SMOC2: variants seen among roughly 807,000 people sequenced by gnomAD.
SMOC2 encodes the protein SPARC-related modular calcium-binding protein 2.
SMOC2 carries 39 observed loss-of-function variants against 61.4 expected under a neutral mutation model. The observed-to-expected ratio is 0.64, with a 90% confidence interval of 0.49 to 0.83. The LOEUF (loss-of-function observed/expected upper bound fraction) is 0.83. Among genes scored for constraint, SMOC2 ranks in the 40% least tolerant of loss-of-function variants. The probability of loss-of-function intolerance (pLI) is 0.00; values close to 1 mark genes in which losing one functional copy is unlikely to be tolerated. For missense variants in SMOC2, 556 were observed against 592.9 expected, an observed-to-expected ratio of 0.94 and a Z score of 0.65; for synonymous variants, 247 against 239.9, an observed-to-expected ratio of 1.03 and a Z score of -0.27.
intron 2 of SMOC2, among the ~76,000 whole-genome samples, chr6:168,514,847 A>G (rs1055449862): frequency 6.6e-6 from 1 of 152,142 alleles, no homozygotes; most frequent in East Asian, 1.9e-4. Flanking sequence ...GAGGATGAGC[A>G]TGTGAGGGAT....
chr6:168,537,338 T>C (rs1472538581), intron 4 of SMOC2, among the ~76,000 whole-genome samples: 1 of 152,140 alleles, frequency 6.6e-6, no homozygotes, highest in Non-Finnish European at 1.5e-5. Context: ...TACAGCACTC[T>C]GCAGGCTGTG....
chr6:168,599,295 CAT>C (rs757976840), intron 8 of SMOC2, among the ~76,000 whole-genome samples: 1,727 of 89,438 alleles, frequency 0.019, 27 homozygotes, highest in South Asian at 0.053. Flanking sequence ...CACACACACA[CAT>C]ACCACACACA....
chr6:168,441,379 C>T lies in SMOC2; in HGVS notation c.9C>T (p.Leu3=), dbSNP rs771273803. The T allele has an allele frequency of 1.2e-5, 18 of 1,506,958 alleles. No individual in the cohort carries two copies. Among genetic ancestry groups the T allele is most frequent in the Middle Eastern group, 2.3e-4 (1 of 4,402 alleles). The allele number at this position is 1,506,958 out of a possible 1,614,324, so 93.3% of individuals were successfully genotyped here. The change falls in exon 1 of 13, where the codon CTC becomes CTT. Residue 3 remains leucine, a synonymous_variant. Transcript: ENST00000356284. ...CCGCCACCTCCGCCACCATGCTGCT[C>T]CCCCAGCTCTGCTGGCTGCCGCTGC... is the stretch of plus-strand genomic sequence containing the variant. ML[L]PQLCWLPLLA...
chr6:168,446,639 T>C (rs533561815), intron 1 of SMOC2, among the ~76,000 whole-genome samples: 1 of 152,314 alleles, frequency 6.6e-6, no homozygotes, highest in Non-Finnish European at 1.5e-5. Flanking sequence ...AATTAATATT[T>C]TTGTTGATTC....
chr6:168,612,051 TAGA>T (rs1455920660), intron 9 of SMOC2, among the ~76,000 whole-genome samples: 1 of 152,212 alleles, frequency 6.6e-6, no homozygotes, highest in Admixed American at 6.5e-5. Flanking sequence ...CTTTTCCTAC[TAGA>T]AGACTTTTTG....
At chr6:168,465,348 G>T (rs1028934748) in intron 1 of SMOC2, among the ~76,000 whole-genome samples, 3 of 151,932 alleles carry the variant, frequency 2.0e-5, no homozygotes, top group South Asian at 2.1e-4. Context: ...CAAACTTAAG[G>T]CACTTTTGTT....
At chr6:168,652,917 G>C in intron 10 of SMOC2, 37 bp from the exon 11 acceptor site, 1 of 1,601,068 alleles carries the variant, frequency 6.2e-7, no homozygotes, top group Non-Finnish European at 8.5e-7. Context: ...GCAGCCCAGG[G>C]GTTTAAGCAT....
intron 7 of SMOC2, among the ~76,000 whole-genome samples, chr6:168,568,294 T>A (rs946801539): frequency 6.6e-6 from 1 of 152,214 alleles, no homozygotes; most frequent in South Asian, 2.1e-4. Context: ...TATTTTCTTT[T>A]TCACAGACTT....
chr6:168,530,908 C>G (rs1049366860), intron 4 of SMOC2, among the ~76,000 whole-genome samples: 1 of 152,212 alleles, frequency 6.6e-6, no homozygotes, highest in Non-Finnish European at 1.5e-5. Context: ...GGAAACAGAT[C>G]TGTGTCCATT....
intron 8 of SMOC2, among the ~76,000 whole-genome samples, chr6:168,599,455 CCACA>C (rs1785451054): frequency 8.6e-6 from 1 of 116,238 alleles, no homozygotes; most frequent in South Asian, 3.1e-4. Flanking sequence ...ATTCGTACCC[CCACA>C]CACCCACTCA....
At chr6:168,509,689 C>T (rs984762113) in intron 1 of SMOC2, among the ~76,000 whole-genome samples, 6 of 152,218 alleles carry the variant, frequency 3.9e-5, no homozygotes, top group East Asian at 1.9e-4. Context: ...GTCAGACGGC[C>T]GATATTGATG....
At chr6:168,534,940 C>G (rs1361548407) in intron 4 of SMOC2, among the ~76,000 whole-genome samples, 5 of 152,084 alleles carry the variant, frequency 3.3e-5, no homozygotes, top group African/African-American at 9.7e-5. Flanking sequence ...AGAATAATGG[C>G]TGAGTGCTTC....
chr6:168,542,543 G>C (rs931196144), intron 4 of SMOC2, among the ~76,000 whole-genome samples: 3 of 152,186 alleles, frequency 2.0e-5, no homozygotes, highest in African/African-American at 7.2e-5. Context: ...TCTGAAGTCA[G>C]CATTGTCTGA....
intron 2 of SMOC2, among the ~76,000 whole-genome samples, chr6:168,519,038 TGTGC>T (rs1783249786): frequency 2.0e-5 from 3 of 147,492 alleles, no homozygotes; most frequent in Non-Finnish European, 4.5e-5. Flanking sequence ...TGTGTGTATG[TGTGC>T]ATGTGTGAGC....
chr6:168,554,551 C>T (rs530983623), intron 7 of SMOC2, among the ~76,000 whole-genome samples: 5 of 152,324 alleles, frequency 3.3e-5, no homozygotes, highest in African/African-American at 7.2e-5. Context: ...ACGGAGGCCC[C>T]CCGTCTCAGG....
In SMOC2 at chr6:168,491,411, C is replaced by G. The variant is rs73272947; in HGVS notation, c.85-18504C>G. On this transcript the variant is annotated intron_variant, in intron 1 of 12. Coordinates refer to ENST00000356284, the MANE Select transcript of SMOC2 (RefSeq NM_001166412.2). ...AGAGAAGAATTAGGAAAGGAGGTCT[C>G]CAAGACCTCATGGCAGTCTGAGAAG... Among the ~76,000 whole-genome samples the G allele has an allele frequency of 9.1e-3, 1,385 of 152,210 alleles. 20 individuals are homozygous for G. Among genetic ancestry groups the G allele is most frequent in the African/African-American group, 0.032 (1,323 of 41,518 alleles).
In SMOC2 at chr6:168,452,138, G is replaced by T. The variant is rs997840099; in HGVS notation, c.84+10684G>T. Among the ~76,000 whole-genome samples the T allele has an allele frequency of 1.3e-5, 2 of 152,160 alleles. No homozygotes were observed. Reference sequence around the variant, plus strand: ...ACCTTGCCTGCAAAAATACCCCACGGGCCTGCTGCCCCAAGTGAGTTCAAC... The same window carrying T: ...ACCTTGCCTGCAAAAATACCCCACGTGCCTGCTGCCCCAAGTGAGTTCAAC... On this transcript the variant is annotated intron_variant, in intron 1 of 12. Transcript: ENST00000356284. The surrounding 1 kb of genome is among the most constrained non-coding windows in gnomAD (Gnocchi z 5.0).
In SMOC2 at chr6:168,611,876, C is replaced by T. The variant is rs7755484; in HGVS notation, c.907+3637C>T. ...GGCTTCCTCAGGATGCCCAGGCGGC[C>T]GGCCACTCACATGCACCTGTCCAGC... On this transcript the variant is annotated intron_variant, in intron 9 of 12. Transcript: ENST00000356284. Among the ~76,000 whole-genome samples the T allele has an allele frequency of 9.9e-3, 1,507 of 152,258 alleles. 25 individuals carry two copies. Among genetic ancestry groups the T allele is most frequent in the African/African-American group, 0.034 (1,426 of 41,554 alleles).
chr6:168,482,397 CTT>C (rs150946645), intron 1 of SMOC2, among the ~76,000 whole-genome samples: 110,785 of 151,264 alleles, frequency 0.73, 40,992 homozygotes, highest in African/African-American at 0.83. Context: ...AAATTTATAA[CTT>C]TTATAACATG....
Sources: allele counts gnomAD v4.1 joint callset (sites outside exome capture counted in the v4.1 genomes callset), GRCh38; gene constraint gnomAD v4.1.1; non-coding constraint Gnocchi (gnomAD v3.1); transcripts MANE v1.5; gene names NCBI Gene and HGNC (gene_info 2026-07-23, HGNC 2026-07-21).